Variants in PAK3 observed in about 807,000 individuals in gnomAD.
PAK3 encodes the protein serine/threonine-protein kinase PAK 3.
PAK3 carries 4 observed loss-of-function variants against 41.0 expected under a neutral mutation model. The ratio of observed to expected loss-of-function variants is 0.10; its 90% confidence interval spans 0.05 to 0.22. The LOEUF is 0.22. Ranked by LOEUF, PAK3 falls within the 10% of genes least tolerant of loss-of-function variation. The pLI is 1.00. For synonymous variants in PAK3, 146 were observed against 139.6 expected, an observed-to-expected ratio of 1.05 and a Z score of -0.32; for missense variants, 205 against 409.9, an observed-to-expected ratio of 0.50 and a Z score of 4.32.
intron 11 of PAK3, among the ~76,000 whole-genome samples, chrX:111,191,549 A>G: frequency 8.9e-6 from 1 of 112,043 alleles, no homozygotes. Context: ...TACAGCACTG[A>G]GAGAGATTGG....
intron 16 of PAK3, among the ~76,000 whole-genome samples, chrX:111,215,333 T>C (rs2094866733): frequency 9.0e-6 from 1 of 110,605 alleles, no homozygotes; most frequent in African/African-American, 3.3e-5. Flanking sequence ...CCGAGGTGGG[T>C]GGATCATTTA....
chrX:110,987,204 A>G (rs911264740), intron 1 of PAK3, among the ~76,000 whole-genome samples: 1 of 112,186 alleles, frequency 8.9e-6, no homozygotes, highest in Non-Finnish European at 1.9e-5. Flanking sequence ...TCATCATGGA[A>G]TCCATTATTT....
intron 1 of PAK3, among the ~76,000 whole-genome samples, chrX:110,970,990 T>C (rs180725040): frequency 8.9e-6 from 1 of 112,314 alleles, no homozygotes; most frequent in African/African-American, 3.2e-5. Flanking sequence ...ATAGCAGTGA[T>C]GAGAGTAGAA....
intron 16 of PAK3, 76 bp from the exon 17 acceptor site, chrX:111,216,345 T>C: frequency 1.4e-6 from 1 of 706,934 alleles, no homozygotes; most frequent in Non-Finnish European, 2.3e-6. Context: ...CAGAAGAAAC[T>C]GGATTTTTGC....
intron 4 of PAK3, among the ~76,000 whole-genome samples, chrX:111,116,380 G>C (rs2093464498): frequency 9.0e-6 from 1 of 111,445 alleles, no homozygotes; most frequent in Admixed American, 9.5e-5. Context: ...GCTGAAACCT[G>C]TAATAATGCA....
intron 16 of PAK3, among the ~76,000 whole-genome samples, chrX:111,198,899 T>G (rs886993283): frequency 4.5e-5 from 5 of 111,814 alleles, no homozygotes; most frequent in Non-Finnish European, 7.5e-5. Context: ...CAGTATTGAA[T>G]CTGTACATTA....
At chrX:111,080,530 T>C (rs1210115255) in intron 1 of PAK3, among the ~76,000 whole-genome samples, 1 of 112,536 alleles carries the variant, frequency 8.9e-6, no homozygotes, top group Admixed American at 9.4e-5. Flanking sequence ...GCACTGAGAA[T>C]CCAAAACATT....
At chrX:111,118,413 ACT>A (rs201716868) in intron 4 of PAK3, among the ~76,000 whole-genome samples, 5,031 of 110,484 alleles carry the variant, frequency 0.046, 137 homozygotes, top group African/African-American at 0.096. Flanking sequence ...AGCAGTTGTA[ACT>A]CTTGGATTTT....
intron 5 of PAK3, among the ~76,000 whole-genome samples, chrX:111,135,379 AG>A (rs2093775122): frequency 9.0e-6 from 1 of 111,336 alleles, no homozygotes; most frequent in African/African-American, 3.3e-5. Flanking sequence ...GGGGTCTGTG[AG>A]GCACCTAAAT....
chrX:111,145,020 G>T, intron 6 of PAK3: 1 of 495,924 alleles, frequency 2.0e-6, no homozygotes, highest in Non-Finnish European at 3.5e-6. Flanking sequence ...ACAACCCCCA[G>T]CTTAATTTAC....
chrX:110,967,746 G>A (rs553142985), intron 1 of PAK3, among the ~76,000 whole-genome samples: 3 of 112,037 alleles, frequency 2.7e-5, no homozygotes, highest in Non-Finnish European at 5.6e-5. Flanking sequence ...ACAGGAAGTT[G>A]CCAAGGTGTT....
At chrX:110,995,352 G>A (rs1304197963) in intron 1 of PAK3, among the ~76,000 whole-genome samples, 1 of 111,309 alleles carries the variant, frequency 9.0e-6, no homozygotes, top group African/African-American at 3.3e-5. Flanking sequence ...CAACCCCTGA[G>A]CCACTGATCA....
At chrX:111,111,719 C>T (rs760906738) in intron 4 of PAK3, among the ~76,000 whole-genome samples, 2 of 111,976 alleles carry the variant, frequency 1.8e-5, no homozygotes, top group South Asian at 3.8e-4. Flanking sequence ...AACTGAGGCA[C>T]GGTTCTATTT....
chrX:111,077,587 G>T (rs1301141352), intron 1 of PAK3, among the ~76,000 whole-genome samples: 2 of 111,617 alleles, frequency 1.8e-5, no homozygotes, highest in Non-Finnish European at 3.8e-5. Flanking sequence ...AAATGGTGCG[G>T]GCATAACTTG....
At chrX:111,084,838 C>T (rs976603680) in intron 1 of PAK3, among the ~76,000 whole-genome samples, 1 of 111,914 alleles carries the variant, frequency 8.9e-6, no homozygotes, top group Non-Finnish European at 1.9e-5. Flanking sequence ...CTTTATGTTT[C>T]ATTTTAGTGC....
chrX:110,990,654 AAAG>A (rs1327664405), intron 1 of PAK3, among the ~76,000 whole-genome samples: 1 of 111,129 alleles, frequency 9.0e-6, no homozygotes, highest in African/African-American at 3.3e-5. Context: ...AAAAAAAAAA[AAAG>A]GATATTCTTT....
chrX:111,040,186 A>T (rs1423071420), intron 1 of PAK3, among the ~76,000 whole-genome samples: 1 of 110,435 alleles, frequency 9.1e-6, no homozygotes, highest in Non-Finnish European at 1.9e-5. Flanking sequence ...GTCCTGGCTT[A>T]GCCAAGTTCC....
chrX:111,087,447 T>C (rs1429234168), intron 1 of PAK3, among the ~76,000 whole-genome samples: 1 of 108,228 alleles, frequency 9.2e-6, no homozygotes, highest in Non-Finnish European at 1.9e-5. Flanking sequence ...GGATTGATTA[T>C]GAAGTGCAAC....
intron 1 of PAK3, among the ~76,000 whole-genome samples, chrX:111,043,317 G>T (rs1441643779): frequency 9.1e-6 from 1 of 109,728 alleles, no homozygotes; most frequent in Non-Finnish European, 1.9e-5. Context: ...AAAATTAAAA[G>T]CTGTAAGCAG....
Sources: allele counts gnomAD v4.1 joint callset (sites outside exome capture counted in the v4.1 genomes callset), GRCh38; gene constraint gnomAD v4.1.1; transcripts MANE v1.5; gene names NCBI Gene and HGNC (gene_info 2026-07-23, HGNC 2026-07-21).